The following P2RY12 variants were observed in gnomAD, a reference collection of about 807,000 sequenced individuals.
The protein encoded by P2RY12 is purinergic receptor P2Y12.
A neutral mutation model predicts 4.5 loss-of-function variants in P2RY12; 3 were observed. The observed-to-expected ratio is 0.67, with a 90% confidence interval of 0.31 to 1.74. P2RY12 has a LOEUF of 1.74. Among genes scored for constraint, P2RY12 ranks in the 40% most tolerant of loss-of-function variants. The pLI is 0.09. For synonymous variants in P2RY12, 148 were observed against 154.1 expected, an observed-to-expected ratio of 0.96 and a Z score of 0.29; for missense variants, 356 against 407.8, an observed-to-expected ratio of 0.87 and a Z score of 1.09.
At chr3:151,374,272 G>C (rs1040685668) in intron 1 of P2RY12, among the ~76,000 whole-genome samples, 1 of 152,236 alleles carries the variant, frequency 6.6e-6, no homozygotes, top group South Asian at 2.1e-4. Context: ...CTAGGCTAGG[G>C]CGCAGCGGCT....
Position 151,338,288 on chromosome 3 carries a change from C to T in P2RY12, c.558G>A (p.Trp186Ter), listed in dbSNP as rs1261698342. 5 of 1,614,038 alleles carry T rather than the reference C, an allele frequency of 3.1e-6. No homozygotes were observed. Among genetic ancestry groups the T allele is most frequent in the Admixed American group, 1.7e-5 (1 of 59,998 alleles). Residue 186 changes from tryptophan to a stop codon, truncating the protein, a stop_gained, in exon 3 of 3, where the codon TGG becomes TGA. Coordinates refer to ENST00000302632, the MANE Select transcript of P2RY12 (RefSeq NM_022788.5). LOFTEE classifies it low-confidence loss of function (END_TRUNC). The part of the protein sequence containing the change: ...SFLKSEFGLV[W>*]HEIVNYICQV... ...GACAGATGTAATTTACTATTTCATG[C>T]CAGACTAGACCGAACTCTGATTTAA...
chr3:151,337,666 G>A lies in P2RY12; in HGVS notation c.*151C>T. On this transcript the variant is annotated 3_prime_UTR_variant, in exon 3 of 3. Transcript: ENST00000302632. ...TAAGATAGCTTTTCATACTGGAAAG[G>A]TAAATGAAAATTGCTTTTGTAATCT... The A allele has an allele frequency of 1.4e-6, 1 of 737,630 alleles. No homozygotes were observed. The highest frequency in any genetic ancestry group is 1.9e-5 in the South Asian group (1 of 53,012). 45.7% of individuals were successfully genotyped at this position (737,630 alleles called of 1,614,324 possible).
chr3:151,364,632 T>C (rs1222734235), intron 1 of P2RY12, among the ~76,000 whole-genome samples: 1 of 152,208 alleles, frequency 6.6e-6, no homozygotes, highest in African/African-American at 2.4e-5. Context: ...AATAACACTT[T>C]TCAACAACTG....
chr3:151,366,434 A>G (rs1186467372), intron 1 of P2RY12, among the ~76,000 whole-genome samples: 4 of 152,204 alleles, frequency 2.6e-5, no homozygotes, highest in Admixed American at 2.6e-4. Flanking sequence ...TGGGTTACAT[A>G]AGAATGTCCA....
intron 1 of P2RY12, chr3:151,365,198 T>C (rs1367136238): frequency 6.2e-7 from 1 of 1,613,428 alleles, no homozygotes; most frequent in Admixed American, 1.7e-5. Flanking sequence ...GCCATCAGGA[T>C]GCTGGCAGGT....
chr3:151,368,682 T>G lies in P2RY12; in HGVS notation c.-180+16010A>C, dbSNP rs202042250. Among the ~76,000 whole-genome samples the G allele has an allele frequency of 4.9e-3, 226 of 46,488 alleles. 7 individuals carry two copies. The highest frequency in any genetic ancestry group is 0.023 in the East Asian group (48 of 2,124). 30.5% of individuals were successfully genotyped at this position (46,488 alleles called of 152,430 possible). A position where few individuals can be genotyped will look rare whatever the true frequency, so the allele number is the denominator to read the frequency against. On this transcript the variant is annotated intron_variant, in intron 1 of 2. Coordinates refer to ENST00000302632, the MANE Select transcript of P2RY12 (RefSeq NM_022788.5). ...TTCATTTCATTTCATTTCATGTCAT[T>G]TCATTTTATTTCATTTCATTTCATT...
chr3:151,354,213 C>T (rs1409554616), intron 1 of P2RY12, among the ~76,000 whole-genome samples: 1 of 148,982 alleles, frequency 6.7e-6, no homozygotes, highest in African/African-American at 2.5e-5. Flanking sequence ...CCAACTTTTC[C>T]TTTTTGTTTT....
chr3:151,340,114 A>T (rs559716042), intron 2 of P2RY12, among the ~76,000 whole-genome samples: 1 of 152,100 alleles, frequency 6.6e-6, no homozygotes, highest in Non-Finnish European at 1.5e-5. Flanking sequence ...CTCCTCACCT[A>T]TTTAGCGCTT....
chr3:151,340,133 T>C (rs895760974), intron 2 of P2RY12, among the ~76,000 whole-genome samples: 14 of 152,156 alleles, frequency 9.2e-5, no homozygotes, highest in Non-Finnish European at 1.6e-4. Flanking sequence ...TTTAAAATAA[T>C]GCTAAACAAA....
intron 1 of P2RY12, among the ~76,000 whole-genome samples, chr3:151,379,622 C>G (rs1368923242): frequency 6.6e-6 from 1 of 152,140 alleles, no homozygotes; most frequent in Admixed American, 6.5e-5. Flanking sequence ...CTACTAACAC[C>G]CTGCTTTTTG....
chr3:151,363,927 G>T (rs1754952263), intron 1 of P2RY12, among the ~76,000 whole-genome samples: 1 of 152,126 alleles, frequency 6.6e-6, no homozygotes, highest in Non-Finnish European at 1.5e-5. Flanking sequence ...GTTTAGAATA[G>T]AGAGTCTTTG....
intron 1 of P2RY12, chr3:151,360,483 T>C (rs1754478167): frequency 6.2e-7 from 1 of 1,612,078 alleles, no homozygotes; most frequent in Non-Finnish European, 8.5e-7. Flanking sequence ...GGTTGTGTGG[T>C]GTGGTCAAGC....
chr3:151,374,497 G>A (rs943193236), intron 1 of P2RY12, among the ~76,000 whole-genome samples: 17 of 152,130 alleles, frequency 1.1e-4, no homozygotes, highest in African/African-American at 2.7e-4. Flanking sequence ...GCAGTGAGCC[G>A]AGATTGCGCC....
intron 1 of P2RY12, 57 bp downstream of exon 1, chr3:151,384,635 G>A (rs1281976245): frequency 5.2e-6 from 1 of 190,568 alleles, no homozygotes; most frequent in Non-Finnish European, 1.1e-5. Flanking sequence ...AGAAAACAGT[G>A]CAAAAAAGAA....
rs766571463 is a variant in P2RY12, at chr3:151,338,141, G to A, written c.705C>T (p.Asn235=). 21 of 1,613,990 alleles carry A rather than the reference G, an allele frequency of 1.3e-5. No homozygotes were observed. The highest frequency in any genetic ancestry group is 3.3e-5 in the South Asian group (3 of 91,074). ...CAGCAATGATAATGAAAACTTTGAC[G>A]TTCACCTTTTTCCTGGGGACTTTAC... ...GVGKVPRKKV[N]VKVFIIIAVF... is the part of the protein sequence containing the mutation. Residue 235 remains asparagine, a synonymous_variant, in exon 3 of 3, where the codon AAC becomes AAT. Coordinates refer to ENST00000302632, the MANE Select transcript of P2RY12 (RefSeq NM_022788.5).
At chr3:151,381,709 C>T (rs1215224815) in intron 1 of P2RY12, among the ~76,000 whole-genome samples, 1 of 152,172 alleles carries the variant, frequency 6.6e-6, no homozygotes, top group African/African-American at 2.4e-5. Flanking sequence ...ACTTGTTACA[C>T]TTAGTTTTAT....
At chr3:151,380,146 A>G (rs143058736) in intron 1 of P2RY12, 266 of 1,606,228 alleles carry the variant, frequency 1.7e-4, no homozygotes, top group Non-Finnish European at 2.1e-4. Flanking sequence ...CCTTCCTCTC[A>G]CTGGTACTTA....
At chr3:151,357,249 C>T in intron 1 of P2RY12, 1 of 1,613,264 alleles carries the variant, frequency 6.2e-7, no homozygotes. Context: ...AGCTGAACTG[C>T]TCCTAAAATC....
At chr3:151,362,839 G>A (rs539154680) in intron 1 of P2RY12, among the ~76,000 whole-genome samples, 11 of 152,096 alleles carry the variant, frequency 7.2e-5, no homozygotes, top group African/African-American at 2.4e-4. Context: ...TATTTGAGTG[G>A]GTCTTAGGAA....
Sources: allele counts gnomAD v4.1 joint callset (sites outside exome capture counted in the v4.1 genomes callset), GRCh38; gene constraint gnomAD v4.1.1; transcripts MANE v1.5; gene names NCBI Gene and HGNC (gene_info 2026-07-23, HGNC 2026-07-21).